Variants in QTMAN observed in about 807,000 individuals in gnomAD.
QTMAN encodes the protein tRNA-queuosine alpha-mannosyltransferase.
At chr2:144,209,444 A>C in the QTMAN span, among the ~76,000 whole-genome samples, 2 of 152,208 alleles carry the variant, frequency 1.3e-5, no homozygotes, top group African/African-American at 4.8e-5. Context: ...TACTTTGATC[A>C]CTTCCCCACA....
At chr2:144,107,829 G>C in the QTMAN span, among the ~76,000 whole-genome samples, 1 of 152,162 alleles carries the variant, frequency 6.6e-6, no homozygotes, top group Non-Finnish European at 1.5e-5. Flanking sequence ...CAATATCCCT[G>C]ATGAACATTG....
At chr2:144,182,903 A>ATATATATATTT in the QTMAN span, among the ~76,000 whole-genome samples, 1 of 97,802 alleles carries the variant, frequency 1.0e-5, no homozygotes, top group Non-Finnish European at 2.0e-5. Flanking sequence ...TATATATATT[A>ATATATATATTT]TATATATATA....
the QTMAN span, among the ~76,000 whole-genome samples, chr2:144,207,667 T>C: frequency 6.6e-5 from 10 of 152,078 alleles, no homozygotes; most frequent in Admixed American, 6.6e-4. Context: ...TTAACCACCA[T>C]AGGATAGTCT....
chr2:144,277,488 G>C, the QTMAN span, among the ~76,000 whole-genome samples: 1 of 152,082 alleles, frequency 6.6e-6, no homozygotes. Context: ...AAACCTGATA[G>C]CCTGACAGGA....
chr2:144,243,036 A>G, the QTMAN span, among the ~76,000 whole-genome samples: 1 of 151,878 alleles, frequency 6.6e-6, no homozygotes, highest in African/African-American at 2.4e-5. Context: ...CACCTCACAA[A>G]TGGAGTAACC....
At chr2:144,292,847 A>C in the QTMAN span, among the ~76,000 whole-genome samples, 1 of 152,210 alleles carries the variant, frequency 6.6e-6, no homozygotes, top group Non-Finnish European at 1.5e-5. Flanking sequence ...ATTCAAAAGG[A>C]TAAACCTTGT....
At chr2:144,073,065 TC>T in the QTMAN span, among the ~76,000 whole-genome samples, 2 of 152,014 alleles carry the variant, frequency 1.3e-5, no homozygotes, top group African/African-American at 4.8e-5. Context: ...TAACCTTTAT[TC>T]ACGTCAAACA....
chr2:144,203,099 C>G, the QTMAN span, among the ~76,000 whole-genome samples: 1 of 151,606 alleles, frequency 6.6e-6, no homozygotes, highest in Non-Finnish European at 1.5e-5. Flanking sequence ...GCCTAGAAAC[C>G]ATCCTTTAGG....
chr2:144,061,700 CGTGGCCCTAAATGAGAACAGGCATTCCT>C, the QTMAN span, among the ~76,000 whole-genome samples: 3 of 152,172 alleles, frequency 2.0e-5, no homozygotes, highest in East Asian at 5.8e-4. Context: ...AGCCTGGACC[CGTGGCCCTAAATGAGAACAGGCATTCCT>C]GTTTTTGTGC....
At chr2:144,170,991 T>C in the QTMAN span, among the ~76,000 whole-genome samples, 1 of 152,114 alleles carries the variant, frequency 6.6e-6, no homozygotes, top group Non-Finnish European at 1.5e-5. Flanking sequence ...TGACAGAGAC[T>C]GAGGCTGAAA....
chr2:144,021,518 T>C, the QTMAN span, among the ~76,000 whole-genome samples: 295 of 151,748 alleles, frequency 1.9e-3, 1 homozygote, highest in Non-Finnish European at 3.4e-3. Flanking sequence ...AAAGAGCAAA[T>C]AGAACAAACG....
At chr2:144,136,338 GA>G in the QTMAN span, among the ~76,000 whole-genome samples, 26 of 146,258 alleles carry the variant, frequency 1.8e-4, no homozygotes, top group Non-Finnish European at 3.0e-4. Context: ...GAGGGGAGGG[GA>G]GGGGAGCGGA....
chr2:144,272,252 A>G, the QTMAN span, among the ~76,000 whole-genome samples: 1 of 152,220 alleles, frequency 6.6e-6, no homozygotes, highest in Non-Finnish European at 1.5e-5. Context: ...TCTATTGTAT[A>G]AAGTTAATCC....
the QTMAN span, among the ~76,000 whole-genome samples, chr2:144,126,738 G>C: frequency 6.6e-6 from 1 of 151,898 alleles, no homozygotes. Context: ...GTTAAGTGGG[G>C]GTTTACTGTA....
chr2:144,118,836 G>A, the QTMAN span, among the ~76,000 whole-genome samples: 6 of 152,232 alleles, frequency 3.9e-5, no homozygotes, highest in South Asian at 2.1e-4. Flanking sequence ...AGCCGAGATC[G>A]CACCACTGCA....
At chr2:144,120,531 G>A in the QTMAN span, among the ~76,000 whole-genome samples, 2 of 152,160 alleles carry the variant, frequency 1.3e-5, no homozygotes, top group Middle Eastern at 3.2e-3. Context: ...ATGGACATCT[G>A]CTTTTAAGAA....
chr2:144,043,262 A>C, the QTMAN span, among the ~76,000 whole-genome samples: 2 of 146,896 alleles, frequency 1.4e-5, no homozygotes, highest in East Asian at 3.9e-4. Context: ...TGTTTAACCA[A>C]GTAGGGGTTG....
At chr2:144,277,184 A>AATTT in the QTMAN span, among the ~76,000 whole-genome samples, 1 of 152,150 alleles carries the variant, frequency 6.6e-6, no homozygotes, top group Admixed American at 6.6e-5. Flanking sequence ...ATCATATTAA[A>AATTT]ATTTATTTCA....
At chr2:144,246,806 G>GT in the QTMAN span, among the ~76,000 whole-genome samples, 1 of 151,914 alleles carries the variant, frequency 6.6e-6, no homozygotes, top group Non-Finnish European at 1.5e-5. Flanking sequence ...CATCTTTACA[G>GT]TTTTTAAAAT....
Sources: allele counts gnomAD v4.1 joint callset (sites outside exome capture counted in the v4.1 genomes callset), GRCh38; gene constraint gnomAD v4.1.1; transcripts MANE v1.5; gene names NCBI Gene and HGNC (gene_info 2026-07-23, HGNC 2026-07-21).